The following MARCHF1 variants were observed in gnomAD, a reference collection of about 807,000 sequenced individuals.
MARCHF1 encodes the protein E3 ubiquitin-protein ligase MARCHF1.
Under a neutral mutation model 54.2 loss-of-function variants are expected in MARCHF1, and 40 were observed. The observed-to-expected ratio is 0.74, with a 90% CI of 0.57 to 0.96. MARCHF1 has a LOEUF of 0.96. Among genes scored for constraint, MARCHF1 ranks in the 40% least tolerant of loss-of-function variants. The pLI, the probability that MARCHF1 is intolerant of heterozygous loss-of-function variation, is 0.00. For synonymous variants in MARCHF1, 236 were observed against 236.3 expected, an observed-to-expected ratio of 1.00 and a Z score of 0.01; for missense variants, 586 against 656.5, an observed-to-expected ratio of 0.89 and a Z score of 1.17.
chr4:163,991,627 C>G (rs983664612), intron 2 of MARCHF1, among the ~76,000 whole-genome samples: 5 of 152,128 alleles, frequency 3.3e-5, no homozygotes, highest in African/African-American at 9.7e-5. Context: ...CAGACACTGG[C>G]CAGAATAATC....
At chr4:164,363,125 C>T (rs531541624) in intron 1 of MARCHF1, among the ~76,000 whole-genome samples, 1 of 151,938 alleles carries the variant, frequency 6.6e-6, no homozygotes, top group Non-Finnish European at 1.5e-5. Context: ...ACACGGCAGA[C>T]TTTTATAGAA....
chr4:163,761,965 T>A (rs986812520), intron 4 of MARCHF1, among the ~76,000 whole-genome samples: 4 of 152,190 alleles, frequency 2.6e-5, no homozygotes, highest in Non-Finnish European at 5.9e-5. Context: ...CATTGTCTGA[T>A]GTCATCAGCC....
Position 163,704,268 on chromosome 4 carries a change from G to T in MARCHF1, c.112-3405C>A, listed in dbSNP as rs369851698. Reference sequence around the variant, plus strand: ...AGGAGAAACTAAGGTAATTTGGAGGGTCATCTGAAAAATTTTAAGTAGACA... The same window carrying T: ...AGGAGAAACTAAGGTAATTTGGAGGTTCATCTGAAAAATTTTAAGTAGACA... On this transcript the variant is annotated intron_variant, in intron 4 of 9. Transcript: ENST00000514618. 2.0e-5 allele frequency among the ~76,000 whole-genome samples: 3 copies of T among 151,680 alleles called. No homozygotes were observed. In the East Asian group the frequency reaches 5.8e-4, roughly 29 times the overall value.
At position 163,792,811 on chromosome 4, in the gene MARCHF1, T is replaced by A. The variant is rs780238131; in HGVS notation, c.111+61210A>T. On this transcript the variant is annotated intron_variant, in intron 4 of 9. Transcript: ENST00000514618. ...TGTCAGTTTTAAGGGAAAGTTAGAC[T>A]AGGAACCCAGGGAGGAAATAAACCG... Among the ~76,000 whole-genome samples the A allele has an allele frequency of 3.8e-4, 58 of 152,144 alleles. 1 individual carries two copies. The highest frequency in any genetic ancestry group is 6.8e-4 in the Non-Finnish European group (46 of 68,018).
At position 163,854,100 on chromosome 4, in the gene MARCHF1, T is replaced by C; in HGVS notation, c.32A>G (p.Asn11Ser). Residue 11 changes from asparagine (N) to serine (S), a missense_variant, in exon 4 of 10, where the codon AAC becomes AGC. By Grantham distance (46) the Asn-to-Ser change is conservative. Around this residue, in one of 3 missense-constraint regions of MARCHF1, gnomAD observed 387 missense variants for 394.6 expected, o/e 0.98. Transcript: ENST00000514618. ...CGTGTTGTTTGGAATTCTGTGAGGG[T>C]TACGGGCTATCGCTTCACACCAGCC... is the stretch of plus-strand genomic sequence containing the variant. MLGWCEAIAR[N>S]PHRIPNNTRT... 1 of 1,536,770 alleles carries C rather than the reference T, an allele frequency of 6.5e-7. No individual in the cohort carries two copies.
At position 163,877,461 on chromosome 4, in the gene MARCHF1, G is replaced by GTT. The variant is rs71600643; in HGVS notation, c.-38-23294_-38-23293dup. On this transcript the variant is annotated intron_variant, in intron 3 of 9. Coordinates refer to ENST00000514618, the MANE Select transcript of MARCHF1 (RefSeq NM_001394959.1). ...TAGTTTGCACTTGGGTGTGGGCACT[G>GTT]TTTTTTTTTTTTTTTCTAATGAACA... Among the ~76,000 whole-genome samples, 596 of 137,662 alleles carry GTT rather than the reference G, an allele frequency of 4.3e-3. 7 individuals are homozygous for GTT. Among genetic ancestry groups the GTT allele is most frequent in the African/African-American group, 0.013 (480 of 37,586 alleles). The allele number at this position is 137,662 out of a possible 152,430, so 90.3% of individuals were successfully genotyped here.
intron 1 of MARCHF1, among the ~76,000 whole-genome samples, chr4:164,356,532 C>T (rs1207162879): frequency 4.7e-5 from 6 of 127,568 alleles, no homozygotes; most frequent in Admixed American, 1.6e-4. Flanking sequence ...AACCAAACAC[C>T]GCATATTCTC....
At chr4:163,797,877 T>C (rs1344108017) in intron 4 of MARCHF1, among the ~76,000 whole-genome samples, 2 of 152,182 alleles carry the variant, frequency 1.3e-5, no homozygotes, top group East Asian at 1.9e-4. Context: ...TTTCTCTTGT[T>C]TTCTGCTCAC....
chr4:164,242,796 G>A (rs1487426783), intron 1 of MARCHF1, among the ~76,000 whole-genome samples: 1 of 152,120 alleles, frequency 6.6e-6, no homozygotes, highest in Non-Finnish European at 1.5e-5. Flanking sequence ...AGTTGATAGA[G>A]CTGAAAACCA....
chr4:163,714,347 C>G (rs2111264432), intron 4 of MARCHF1, among the ~76,000 whole-genome samples: 1 of 152,356 alleles, frequency 6.6e-6, no homozygotes, highest in South Asian at 2.1e-4. Context: ...CCAATTCTAT[C>G]TATCTTACTG....
chr4:164,041,770 AC>A (rs1754134097), intron 2 of MARCHF1, among the ~76,000 whole-genome samples: 1 of 152,126 alleles, frequency 6.6e-6, no homozygotes, highest in African/African-American at 2.4e-5. Context: ...GTTTGCAGAA[AC>A]CCTCCTTATG....
intron 1 of MARCHF1, among the ~76,000 whole-genome samples, chr4:164,196,349 T>A (rs1731257392): frequency 6.6e-6 from 1 of 152,180 alleles, no homozygotes; most frequent in Non-Finnish European, 1.5e-5. Context: ...ATTTGCAACA[T>A]GCTATTAAAA....
intron 2 of MARCHF1, among the ~76,000 whole-genome samples, chr4:164,061,419 A>C (rs1467524522): frequency 6.6e-6 from 1 of 151,330 alleles, no homozygotes; most frequent in East Asian, 1.9e-4. Flanking sequence ...AAGAAAAAGT[A>C]AGTCACACAA....
chr4:164,242,821 C>G (rs928286742), intron 1 of MARCHF1, among the ~76,000 whole-genome samples: 2 of 151,308 alleles, frequency 1.3e-5, no homozygotes, highest in South Asian at 4.2e-4. Flanking sequence ...TCGAGAACTA[C>G]GTGAAGAATG....
At chr4:163,591,643 T>C (rs1740596733) in intron 7 of MARCHF1, among the ~76,000 whole-genome samples, 1 of 152,168 alleles carries the variant, frequency 6.6e-6, no homozygotes, top group Non-Finnish European at 1.5e-5. Context: ...TTCATTAAGC[T>C]TCTATTTAAA....
intron 8 of MARCHF1, among the ~76,000 whole-genome samples, chr4:163,566,190 T>C (rs1217476243): frequency 6.6e-6 from 1 of 152,222 alleles, no homozygotes; most frequent in Non-Finnish European, 1.5e-5. Flanking sequence ...ATGCTTTTCT[T>C]TGGCTTAAAC....
intron 3 of MARCHF1, among the ~76,000 whole-genome samples, chr4:163,981,245 G>T (rs1243946739): frequency 6.6e-6 from 1 of 152,002 alleles, no homozygotes; most frequent in Non-Finnish European, 1.5e-5. Flanking sequence ...CAGAAAATGT[G>T]CAACCTTTGG....
chr4:164,114,241 C>T (rs1755894357), intron 1 of MARCHF1, among the ~76,000 whole-genome samples: 1 of 151,778 alleles, frequency 6.6e-6, no homozygotes, highest in African/African-American at 2.4e-5. Context: ...TGTATGTATA[C>T]ATATATGTAT....
chr4:163,645,373 C>G (rs1330907174), intron 5 of MARCHF1, among the ~76,000 whole-genome samples: 1 of 152,162 alleles, frequency 6.6e-6, no homozygotes, highest in African/African-American at 2.4e-5. Context: ...TAGGAGAAAG[C>G]CTTAACCTGC....
Sources: allele counts gnomAD v4.1 joint callset (sites outside exome capture counted in the v4.1 genomes callset), GRCh38; gene constraint gnomAD v4.1.1; regional missense constraint gnomAD v4.1.1; transcripts MANE v1.5; gene names NCBI Gene and HGNC (gene_info 2026-07-23, HGNC 2026-07-21).